Variants in DNAH10 observed in about 807,000 individuals in gnomAD.
DNAH10 encodes the protein axonemal beta dynein heavy chain 10.
DNAH10 carries 348 observed loss-of-function variants against 506.6 expected under a neutral mutation model. The ratio of observed to expected loss-of-function variants is 0.69; its 90% CI spans 0.63 to 0.75. DNAH10 has a LOEUF of 0.75. DNAH10 is among the 30% of genes least tolerant of loss of function. The pLI is 0.00. For synonymous variants in DNAH10, 2,059 were observed against 2,198.6 expected (o/e 0.94, Z 1.78); for missense variants, 5,179 against 5,787.1 (o/e 0.89, Z 3.41).
intron 50 of DNAH10, among the ~76,000 whole-genome samples, chr12:123,880,098 T>G (rs1311534411): frequency 1.3e-5 from 2 of 152,226 alleles, no homozygotes; most frequent in Non-Finnish European, 2.9e-5. Flanking sequence ...CTCCCTAATA[T>G]TCATTTTCAT....
At chr12:123,809,249 C>T (rs1958833136) in intron 19 of DNAH10, among the ~76,000 whole-genome samples, 2 of 152,228 alleles carry the variant, frequency 1.3e-5, no homozygotes, top group Non-Finnish European at 2.9e-5. Flanking sequence ...CCTGTCCCCC[C>T]AGTACCTTCC....
Position 123,876,115 on chromosome 12 carries a change from C to G in DNAH10, c.8199+624C>G, listed in dbSNP as rs549440095. On this transcript the variant is annotated intron_variant, in intron 47 of 78. Coordinates refer to ENST00000673944, the MANE Select transcript of DNAH10 (RefSeq NM_001372106.1). ...TCCCTGCTAAAGCGGAGTCTGCACA[C>G]TCGGAGGCTCCAGGGGCCAGGTGGG... is the stretch of plus-strand genomic sequence containing the variant. Among the ~76,000 whole-genome samples, 7 of 152,296 alleles carry G rather than the reference C, an allele frequency of 4.6e-5. No individual in the cohort carries two copies. The East Asian group carries it at 1.3e-3, about 29-fold the overall frequency.
At chr12:123,764,126 G>A (rs990109952) in intron 1 of DNAH10, among the ~76,000 whole-genome samples, 2 of 151,956 alleles carry the variant, frequency 1.3e-5, no homozygotes, top group African/African-American at 2.4e-5. Flanking sequence ...TCGGCCTCCC[G>A]AAGTGCTGGG....
At chr12:123,825,985 C>T in intron 24 of DNAH10, among the ~76,000 whole-genome samples, 1 of 151,918 alleles carries the variant, frequency 6.6e-6, no homozygotes, top group Non-Finnish European at 1.5e-5. Flanking sequence ...ATATCCAGGC[C>T]TGGTGGTGCA....
At chr12:123,915,065 G>T in intron 62 of DNAH10, 66 bp downstream of exon 62, 1 of 1,510,570 alleles carries the variant, frequency 6.6e-7, no homozygotes, top group Non-Finnish European at 8.9e-7. Context: ...TGCCCCTCCC[G>T]CCTCCTGTAC....
chr12:123,844,045 TCA>T (rs1280117197), intron 30 of DNAH10, among the ~76,000 whole-genome samples: 1 of 152,176 alleles, frequency 6.6e-6, no homozygotes, highest in African/African-American at 2.4e-5. Context: ...TTTAATTGAC[TCA>T]CAGTCACGCA....
chr12:123,805,188 G>A (rs927838713), intron 18 of DNAH10, 148 bp downstream of exon 18: 8 of 789,864 alleles, frequency 1.0e-5, no homozygotes, highest in African/African-American at 6.9e-5. Context: ...TCACAGAATG[G>A]GGGGATGACC....
rs182663988 is a variant in DNAH10, at chr12:123,794,079, A to G, written c.1953A>G (p.Lys651=). The G allele has an allele frequency of 7.8e-7, 1 of 1,281,668 alleles. No individual in the cohort carries two copies. The highest frequency in any genetic ancestry group is 1.0e-6 in the Non-Finnish European group (1 of 984,474). The allele number at this position is 1,281,668 out of a possible 1,614,324, so 79.4% of individuals were successfully genotyped here. The change falls in exon 12 of 79, where the codon AAA becomes AAG. Residue 651 remains lysine, a synonymous_variant. Transcript: ENST00000673944. ...CTGTTAATCGACAAATGATGATGAA[A>G]TTTAATGATATTCTTGCACAGTACT... is the stretch of plus-strand genomic sequence containing the variant. The part of the protein sequence containing the change: ...REAVNRQMMM[K]FNDILAQYCK...
intron 38 of DNAH10, among the ~76,000 whole-genome samples, chr12:123,860,401 A>G (rs76054093): frequency 0.029 from 4,409 of 152,330 alleles, 137 homozygotes; most frequent in African/African-American, 0.078. Flanking sequence ...ACACAGTTGT[A>G]TGCATGTGTA....
rs751943379 is a variant in DNAH10 at position 123,914,978 on chromosome 12, AGAG to A, written c.10705_10707del (p.Glu3569del). 2.4e-5 allele frequency: 38 copies of A among 1,610,042 alleles called. No individual in the cohort carries two copies. The highest frequency in any genetic ancestry group is 8.9e-5 in the East Asian group (4 of 44,752). On this transcript the variant is annotated inframe_deletion, in exon 62 of 79. Coordinates refer to ENST00000673944, the MANE Select transcript of DNAH10 (RefSeq NM_001372106.1). Reference sequence around the variant, plus strand: ...AGGCCCTCAACTGGATCAAGAGAAAAGAGGAGAAGAACAATCTGCGGGTATGGT... The same window carrying A: ...AGGCCCTCAACTGGATCAAGAGAAAAGAGAAGAACAATCTGCGGGTATGGT...
At chr12:123,811,366 A>G (rs1399132631) in intron 19 of DNAH10, among the ~76,000 whole-genome samples, 2 of 150,936 alleles carry the variant, frequency 1.3e-5, no homozygotes, top group Non-Finnish European at 2.9e-5. Flanking sequence ...CTCTTTCACC[A>G]GGCTGAAGTG....
At chr12:123,821,804 C>T (rs1959437033) in intron 24 of DNAH10, among the ~76,000 whole-genome samples, 1 of 152,038 alleles carries the variant, frequency 6.6e-6, no homozygotes, top group Admixed American at 6.5e-5. Flanking sequence ...TGTGGTGGCT[C>T]ATGCTTGTAA....
intron 36 of DNAH10, among the ~76,000 whole-genome samples, chr12:123,856,796 A>G (rs1367194800): frequency 6.8e-6 from 1 of 147,862 alleles, no homozygotes; most frequent in African/African-American, 2.4e-5. Flanking sequence ...CTGTATATAA[A>G]AATATATAAT....
At chr12:123,895,592 C>T (rs928606627) in intron 54 of DNAH10, among the ~76,000 whole-genome samples, 7 of 152,134 alleles carry the variant, frequency 4.6e-5, no homozygotes, top group African/African-American at 1.4e-4. Context: ...GTAAATGAAT[C>T]GCTATGGCTG....
chr12:123,901,304 C>G (rs542743375), intron 56 of DNAH10, among the ~76,000 whole-genome samples: 6 of 152,334 alleles, frequency 3.9e-5, no homozygotes, highest in African/African-American at 1.4e-4. Context: ...CGCCTCAGCA[C>G]GCTCACAGCT....
At chr12:123,780,619 G>GT (rs1366438168) in intron 5 of DNAH10, among the ~76,000 whole-genome samples, 1 of 151,874 alleles carries the variant, frequency 6.6e-6, no homozygotes, top group Non-Finnish European at 1.5e-5. Context: ...CTGTGCTCCG[G>GT]TTTGAGTGGT....
chr12:123,797,958 T>C (rs1958342643), intron 13 of DNAH10, among the ~76,000 whole-genome samples: 1 of 152,254 alleles, frequency 6.6e-6, no homozygotes, highest in South Asian at 2.1e-4. Context: ...TGCAATAAAG[T>C]ATCCCCCAGA....
In DNAH10 at chr12:123,871,610, A is replaced by G. The variant is rs1193453640; in HGVS notation, c.7785+8A>G. On this transcript the variant is annotated splice_region_variant and intron_variant, in intron 45 of 78. Transcript: ENST00000673944. Reference sequence around the variant, plus strand: ...CTGAGTGAAGAAACTAACGTAAGTCATTATTCATATGAATTATCTATTGCT... The same window carrying G: ...CTGAGTGAAGAAACTAACGTAAGTCGTTATTCATATGAATTATCTATTGCT... The G allele has an allele frequency of 1.9e-6, 3 of 1,547,798 alleles. No individual in the cohort carries two copies. Among genetic ancestry groups the G allele is most frequent in the Non-Finnish European group, 2.6e-6 (3 of 1,146,898 alleles).
intron 72 of DNAH10, 124 bp from the exon 73 acceptor site, chr12:123,930,278 C>T: frequency 1.1e-6 from 1 of 912,782 alleles, no homozygotes; most frequent in South Asian, 2.2e-5. Context: ...TCAACAGGTT[C>T]AAGCCTTGCA....
Sources: gnomAD v4.1 joint callset for allele counts (sites outside exome capture counted in the v4.1 genomes callset) on GRCh38, gnomAD v4.1.1 for gene constraint, MANE v1.5 for transcripts, NCBI Gene and HGNC (gene_info 2026-07-23, HGNC 2026-07-21) for gene names.